Variants in ERICH3 observed in about 807,000 individuals in gnomAD.
ERICH3 encodes glutamate-rich protein 3.
In ERICH3, 126 loss-of-function variants were observed where a neutral mutation model predicts 131.1. The observed-to-expected ratio is 0.96, with a 90% CI of 0.83 to 1.11. ERICH3 has a LOEUF of 1.11. Ranked by LOEUF, ERICH3 falls within the 50% of genes most tolerant of loss-of-function variation. ERICH3 has a pLI of 0.00. For synonymous variants in ERICH3, 695 were observed against 644.6 expected (o/e 1.08, Z -1.18); for missense variants, 2,050 against 1,810.7 (o/e 1.13, Z -2.40).
Position 74,573,541 on chromosome 1 carries a change from G to A in ERICH3, c.2219-50C>T, listed in dbSNP as rs1411831665. 4 of 1,468,088 alleles carry A rather than the reference G, an allele frequency of 2.7e-6. No individual in the cohort carries two copies. In the African/African-American group the frequency reaches 4.3e-5, roughly 16 times the overall value. 90.9% of individuals were successfully genotyped at this position (1,468,088 alleles called of 1,614,324 possible). On this transcript the variant is annotated intron_variant, in intron 13 of 14. Coordinates refer to ENST00000326665, the MANE Select transcript of ERICH3 (RefSeq NM_001002912.5). The stretch of plus-strand genomic sequence containing the variant: ...AGATTACTTTAATCCAAGCGAACAA[G>A]GGAGGGGACACTATAATCTTATATC...
At chr1:74,578,043 T>C (rs968185311) in intron 12 of ERICH3, 2 of 152,250 alleles carry the variant, frequency 1.3e-5, no homozygotes, top group Non-Finnish European at 2.9e-5. Context: ...CTGTTATCTG[T>C]AGTTGGTTAC....
At chr1:74,660,208 C>G (rs969539474) in intron 1 of ERICH3, among the ~76,000 whole-genome samples, 9 of 152,040 alleles carry the variant, frequency 5.9e-5, no homozygotes, top group Non-Finnish European at 1.3e-4. Flanking sequence ...GTTTGGTTCC[C>G]CTTCCACCAT....
intron 3 of ERICH3, among the ~76,000 whole-genome samples, chr1:74,645,678 C>T (rs1646476882): frequency 6.6e-6 from 1 of 151,936 alleles, no homozygotes; most frequent in African/African-American, 2.4e-5. Flanking sequence ...AGAAAAATTA[C>T]AGCTAATACT....
intron 1 of ERICH3, among the ~76,000 whole-genome samples, chr1:74,660,559 C>G (rs971689055): frequency 4.7e-5 from 7 of 148,708 alleles, no homozygotes; most frequent in African/African-American, 1.5e-4. Context: ...TAAGAAGGCT[C>G]AATATACATG....
At chr1:74,670,965 TA>T (rs1448103008) in intron 1 of ERICH3, among the ~76,000 whole-genome samples, 1 of 152,146 alleles carries the variant, frequency 6.6e-6, no homozygotes, top group Non-Finnish European at 1.5e-5. Flanking sequence ...GCGGTTGAGA[TA>T]AGGACTGATA....
chr1:74,658,659 C>T (rs1292793510), intron 1 of ERICH3, among the ~76,000 whole-genome samples: 1 of 152,056 alleles, frequency 6.6e-6, no homozygotes, highest in Non-Finnish European at 1.5e-5. Context: ...TTTTTTTCCA[C>T]TAAAGGTTAG....
At chr1:74,632,239 T>C (rs964755238) in intron 6 of ERICH3, among the ~76,000 whole-genome samples, 4 of 152,070 alleles carry the variant, frequency 2.6e-5, no homozygotes, top group African/African-American at 4.8e-5. Flanking sequence ...TCAAGAAGTT[T>C]GAAGTGTGCT....
At chr1:74,578,167 T>C (rs1483593966) in intron 12 of ERICH3, 1 of 152,618 alleles carries the variant, frequency 6.6e-6, no homozygotes, top group Non-Finnish European at 1.5e-5. Flanking sequence ...TATCTGTCTG[T>C]CAAAAAGAGT....
rs79792290 is a variant in ERICH3, at chr1:74,587,898, A to G, written c.2176+1733T>C. ...TTTATATATGACAAAAATCCTTTTG[A>G]AGATGTTCAGGGTCTTTGCATTTTT... is the stretch of plus-strand genomic sequence containing the variant. On this transcript the variant is annotated intron_variant, in intron 12 of 14. Coordinates refer to ENST00000326665, the MANE Select transcript of ERICH3 (RefSeq NM_001002912.5). 6.6e-3 allele frequency among the ~76,000 whole-genome samples: 1,009 copies of G among 152,338 alleles called. 10 individuals are homozygous for G. The highest frequency in any genetic ancestry group is 0.022 in the African/African-American group (916 of 41,576).
chr1:74,572,782 C>G lies in ERICH3; in HGVS notation c.2928G>C (p.Gly976=), dbSNP rs568339409. ...TTCTCTCTTTGGCTGGTTCCTCTCC[C>G]CCAAGAATTGCCTCTTCAGAACCGT... ...REDGSEEAIL[G]GEEPAKERKE... Residue 976 remains glycine (G), a synonymous_variant, in exon 14 of 15, where the codon GGG becomes GGC. Coordinates refer to ENST00000326665, the MANE Select transcript of ERICH3 (RefSeq NM_001002912.5). 1.1e-5 allele frequency: 17 copies of G among 1,613,908 alleles called. No individual in the cohort carries two copies. The South Asian group carries it at 1.8e-4, about 17-fold the overall frequency.
At chr1:74,576,086 A>G (rs542286271) in intron 13 of ERICH3, among the ~76,000 whole-genome samples, 3 of 152,342 alleles carry the variant, frequency 2.0e-5, no homozygotes, top group African/African-American at 7.2e-5. Flanking sequence ...TACTAATTGT[A>G]TAAACTGGGA....
At chr1:74,624,723 G>A (rs1285083659) in intron 7 of ERICH3, 2 of 152,420 alleles carry the variant, frequency 1.3e-5, no homozygotes, top group Non-Finnish European at 2.9e-5. Context: ...ACCTACTCTG[G>A]TGCTTCCTTG....
intron 10 of ERICH3, among the ~76,000 whole-genome samples, chr1:74,601,604 A>T (rs1354667751): frequency 6.6e-6 from 1 of 151,864 alleles, no homozygotes; most frequent in East Asian, 1.9e-4. Flanking sequence ...TTAGGGACTC[A>T]TGGAAGACTT....
chr1:74,573,207 T>A lies in ERICH3; in HGVS notation c.2503A>T (p.Ile835Leu), dbSNP rs747397482. The A allele has an allele frequency of 1.2e-6, 2 of 1,612,586 alleles. No homozygotes were observed. Among genetic ancestry groups the A allele is most frequent in the East Asian group, 4.5e-5 (2 of 44,884 alleles). ...FTEKREIPPG[I>L]ERGAEGAAEA... Reference sequence around the variant, plus strand: ...GCTGCTCCCTCTGCCCCCCTTTCTATGCCTGGAGGGATCTCCCTTTTTTCT... The same window carrying A: ...GCTGCTCCCTCTGCCCCCCTTTCTAAGCCTGGAGGGATCTCCCTTTTTTCT... The change falls in exon 14 of 15, where the codon ATA (isoleucine) becomes TTA (leucine). Residue 835 changes from isoleucine (I) to leucine (L), a missense_variant. Coordinates refer to ENST00000326665, the MANE Select transcript of ERICH3 (RefSeq NM_001002912.5).
At position 74,656,410 on chromosome 1, in the gene ERICH3, C is replaced by T. The variant is rs1646584036; in HGVS notation, c.24-7095G>A. Among the ~76,000 whole-genome samples the T allele has an allele frequency of 2.6e-5, 4 of 152,270 alleles. No homozygotes were observed. In the South Asian group the frequency reaches 6.2e-4, roughly 24 times the overall value. On this transcript the variant is annotated intron_variant, in intron 1 of 14. Transcript: ENST00000326665. ...CCTTGTGGGAATTCCTCTACCATCA[C>T]TTTTGAAACAACTCCATCACAAAAT...
At chr1:74,590,867 TTTG>T (rs1209153353) in intron 11 of ERICH3, among the ~76,000 whole-genome samples, 7 of 152,198 alleles carry the variant, frequency 4.6e-5, no homozygotes, top group African/African-American at 1.4e-4. Context: ...TCCCTGTTTT[TTTG>T]TTGTTTTTTG....
chr1:74,587,354 A>T (rs1647382308), intron 12 of ERICH3, among the ~76,000 whole-genome samples: 1 of 151,272 alleles, frequency 6.6e-6, no homozygotes, highest in Admixed American at 6.6e-5. Context: ...AAAAATTAAA[A>T]TCAAAGATAA....
intron 10 of ERICH3, among the ~76,000 whole-genome samples, chr1:74,603,380 C>CAT (rs1172260485): frequency 2.0e-5 from 3 of 151,854 alleles, no homozygotes; most frequent in African/African-American, 7.3e-5. Flanking sequence ...ATTTCCCAGC[C>CAT]TGTAAAATTG....
In ERICH3 at chr1:74,571,776, T is replaced by G; in HGVS notation, c.3934A>C (p.Arg1312=). The G allele has an allele frequency of 6.2e-7, 1 of 1,614,106 alleles. No homozygotes were observed. Among genetic ancestry groups the G allele is most frequent in the Non-Finnish European group, 8.5e-7 (1 of 1,180,036 alleles). The change falls in exon 14 of 15, where the codon AGG becomes CGG. Residue 1312 remains arginine (R), a synonymous_variant. Transcript: ENST00000326665. ...ATGTCCCCGTCCCCTTCCGAGTTCC[T>G]GTCCTGCATCGCTTCTGTCTCCAGA... ...CTLETEAMQD[R]NSEGDGDMEG... is the part of the protein sequence containing the mutation.
Sources: allele counts gnomAD v4.1 joint callset (sites outside exome capture counted in the v4.1 genomes callset), GRCh38; gene constraint gnomAD v4.1.1; transcripts MANE v1.5; gene names NCBI Gene and HGNC (gene_info 2026-07-23, HGNC 2026-07-21).